The following ERV3-1 variants were observed in gnomAD, a reference collection of about 807,000 sequenced individuals.
The protein encoded by ERV3-1 is endogenous retrovirus group 3 member 1, envelope.
In ERV3-1, 36 loss-of-function variants were observed where a neutral mutation model predicts 24.6. That is an observed-to-expected ratio of 1.47 (90% CI 1.12 to 1.94). ERV3-1 has a LOEUF of 1.94. ERV3-1 is among the 30% of genes most tolerant of loss of function. ERV3-1 has a pLI of 0.00. For missense variants in ERV3-1, 578 were observed against 330.9 expected, an observed-to-expected ratio of 1.75 and a Z score of -5.79; for synonymous variants, 211 against 122.6, an observed-to-expected ratio of 1.72 and a Z score of -4.76.
chr7:64,998,927 C>T (rs1447609616), intron 1 of ERV3-1, among the ~76,000 whole-genome samples: 2 of 152,196 alleles, frequency 1.3e-5, no homozygotes, highest in Non-Finnish European at 2.9e-5. Context: ...TCACACACCT[C>T]CCCACTTCCA....
chr7:64,990,451 T>C lies in ERV3-1; in HGVS notation c.*761A>G, dbSNP rs1160563205. The C allele has an allele frequency of 1.1e-5, 2 of 185,424 alleles. No individual in the cohort carries two copies. Among genetic ancestry groups the C allele is most frequent in the Non-Finnish European group, 2.3e-5 (2 of 88,452 alleles). The allele number at this position is 185,424 out of a possible 1,614,324, so 11.5% of individuals were successfully genotyped here. A position where few individuals can be genotyped will look rare whatever the true frequency, so the allele number is the denominator to read the frequency against. On this transcript the variant is annotated 3_prime_UTR_variant, in exon 2 of 2. Coordinates refer to ENST00000394323, the MANE Select transcript of ERV3-1 (RefSeq NM_001007253.4). ...GAACAAAGACAGGGCTTGACTTTTA[T>C]ACATGCATCAGGCAGGGGCAAGTCG...
chr7:64,991,097 G>C lies in ERV3-1; in HGVS notation c.*115C>G. ...GCTGTTTGGATATTTTTGACAATGA[G>C]GGGTAAGAGACAAGGGAGTATAAGG... On this transcript the variant is annotated 3_prime_UTR_variant, in exon 2 of 2. Coordinates refer to ENST00000394323, the MANE Select transcript of ERV3-1 (RefSeq NM_001007253.4). 1 of 594,782 alleles carries C rather than the reference G, an allele frequency of 1.7e-6. No homozygotes were observed. The highest frequency in any genetic ancestry group is 3.0e-6 in the Non-Finnish European group (1 of 333,988). The allele number at this position is 594,782 out of a possible 1,614,324, so 36.8% of individuals were successfully genotyped here.
intron 1 of ERV3-1, 109 bp downstream of exon 1, chr7:65,006,432 C>G: frequency 6.7e-7 from 1 of 1,497,394 alleles, no homozygotes; most frequent in South Asian, 1.1e-5. Flanking sequence ...CTCGGGGCCG[C>G]GGATTTTGGA....
rs925885820 is a variant in ERV3-1, at chr7:64,993,177, G to T, written c.-151C>A. ...ATGACTCAAGCTTCGGCCGTGCATA[G>T]ACTAGTCAGCTTCTGGGGTGACTAG... On this transcript the variant is annotated 5_prime_UTR_variant, in exon 2 of 2. Coordinates refer to ENST00000394323, the MANE Select transcript of ERV3-1 (RefSeq NM_001007253.4). The T allele has an allele frequency of 1.7e-6, 1 of 598,588 alleles. No individual in the cohort carries two copies. Among genetic ancestry groups the T allele is most frequent in the African/African-American group, 1.9e-5 (1 of 53,822 alleles). 37.1% of individuals were successfully genotyped at this position (598,588 alleles called of 1,614,324 possible).
At chr7:64,997,908 C>G (rs1401266267) in intron 1 of ERV3-1, among the ~76,000 whole-genome samples, 2 of 152,136 alleles carry the variant, frequency 1.3e-5, no homozygotes, top group African/African-American at 4.8e-5. Flanking sequence ...GTTGCCCCCC[C>G]TTGAACCTGC....
At position 64,992,611 on chromosome 7, in the gene ERV3-1, G is replaced by A. The variant is rs1180207272; in HGVS notation, c.416C>T (p.Ser139Phe). ...MGSLFPVIFS[S>F]MEYYSSCHKN... The stretch of plus-strand genomic sequence containing the variant: ...ATGGCAGCTACTATAGTACTCCATG[G>A]AACTGAAGATTACGGGAAAGAGTGA... Residue 139 changes from serine (S) to phenylalanine (F), a missense_variant, in exon 2 of 2, where the codon TCC becomes TTC. Transcript: ENST00000394323. 1.3e-6 allele frequency: 1 copy of A among 766,234 alleles called. No homozygotes were observed. Among genetic ancestry groups the A allele is most frequent in the African/African-American group, 1.7e-5 (1 of 59,108 alleles). The allele number at this position is 766,234 out of a possible 1,614,324, so 47.5% of individuals were successfully genotyped here. A position where few individuals can be genotyped will look rare whatever the true frequency, so the allele number is the denominator to read the frequency against.
chr7:64,995,508 T>C (rs976621218), intron 1 of ERV3-1, among the ~76,000 whole-genome samples: 1 of 152,174 alleles, frequency 6.6e-6, no homozygotes, highest in African/African-American at 2.4e-5. Flanking sequence ...GGGTTCCTTT[T>C]CACCCTCCCT....
At position 64,992,811 on chromosome 7, in the gene ERV3-1, G is replaced by A. The variant is rs757098406; in HGVS notation, c.216C>T (p.Asp72=). 5.2e-6 allele frequency: 4 copies of A among 766,378 alleles called. No individual in the cohort carries two copies. In the East Asian group the frequency reaches 7.3e-5, roughly 14 times the overall value. The allele number at this position is 766,378 out of a possible 1,614,324, so 47.5% of individuals were successfully genotyped here. The change falls in exon 2 of 2, where the codon GAC becomes GAT. Residue 72 remains aspartate (D), a synonymous_variant. Coordinates refer to ENST00000394323, the MANE Select transcript of ERV3-1 (RefSeq NM_001007253.4). ...THNQTTYSVC[D]PGRGQPYVCY... is the part of the protein sequence containing the mutation. ...ACACATAAGGCTGGCCCCTTCCTGG[G>A]TCACAGACTGAGTAGGTTGTCTGGT...
chr7:64,999,483 A>G (rs1458764892), intron 1 of ERV3-1, among the ~76,000 whole-genome samples: 1 of 152,192 alleles, frequency 6.6e-6, no homozygotes, highest in East Asian at 1.9e-4. Context: ...CATGCAACCA[A>G]CAGGGGCGGG....
intron 1 of ERV3-1, among the ~76,000 whole-genome samples, chr7:65,000,296 C>G (rs1014573641): frequency 6.6e-6 from 1 of 152,022 alleles, no homozygotes; most frequent in East Asian, 1.9e-4. Context: ...AATCTCTGCT[C>G]ACTGCAAGCT....
In ERV3-1 at chr7:64,992,830, G is replaced by T. The variant is rs1465947718; in HGVS notation, c.197C>A (p.Thr66Lys). 1.3e-6 allele frequency: 1 copy of T among 766,416 alleles called. No individual in the cohort carries two copies. The highest frequency in any genetic ancestry group is 2.4e-5 in the East Asian group (1 of 41,236). The allele number at this position is 766,416 out of a possible 1,614,324, so 47.5% of individuals were successfully genotyped here. The change falls in exon 2 of 2, where the codon ACA becomes AAA. Residue 66 changes from threonine (T) to lysine (K), a missense_variant. Transcript: ENST00000394323. The stretch of plus-strand genomic sequence containing the variant: ...TCCTGGGTCACAGACTGAGTAGGTT[G>T]TCTGGTTGTGAGTACAAGTTCCTAG... ...TCLGTCTHNQ[T>K]TYSVCDPGRG...
intron 1 of ERV3-1, 72 bp downstream of exon 1, chr7:65,006,469 G>T: frequency 6.4e-7 from 1 of 1,551,126 alleles, no homozygotes; most frequent in South Asian, 1.1e-5. Flanking sequence ...CCAGAGTCCC[G>T]CCACAGCCAC....
chr7:64,997,673 T>C (rs1786433870), intron 1 of ERV3-1, among the ~76,000 whole-genome samples: 1 of 152,150 alleles, frequency 6.6e-6, no homozygotes, highest in African/African-American at 2.4e-5. Context: ...GTGCATTGTG[T>C]TCCAGCCAGT....
chr7:64,998,080 T>C (rs1215049974), intron 1 of ERV3-1, among the ~76,000 whole-genome samples: 1 of 151,902 alleles, frequency 6.6e-6, no homozygotes, highest in Admixed American at 6.6e-5. Flanking sequence ...TAGCCTGGAG[T>C]GTGTCACCAT....
In ERV3-1 at chr7:64,992,677, A is replaced by G. The variant is rs1364584693; in HGVS notation, c.350T>C (p.Val117Ala). Residue 117 changes from valine (V) to alanine (A), a missense_variant, in exon 2 of 2, where the codon GTA (valine) becomes GCA (alanine). By Grantham distance (64) the Val-to-Ala change is moderately conservative. Transcript: ENST00000394323. Reference sequence around the variant, plus strand: ...CTGGCAAACATCAAAGTATAAGGATACGACATCCTTGCCAGAGGGAAATAC... The same window carrying G: ...CTGGCAAACATCAAAGTATAAGGATGCGACATCCTTGCCAGAGGGAAATAC... ...TKVFPSGKDV[V>A]SLYFDVCQIV... The G allele has an allele frequency of 3.9e-6, 3 of 766,302 alleles. No individual in the cohort carries two copies. The African/African-American group carries it at 5.1e-5, about 13-fold the overall frequency. The allele number at this position is 766,302 out of a possible 1,614,324, so 47.5% of individuals were successfully genotyped here.
In ERV3-1 at chr7:65,006,643, A is replaced by G; in HGVS notation, c.-491T>C. On this transcript the variant is annotated 5_prime_UTR_variant, in exon 1 of 2. Transcript: ENST00000394323. The stretch of plus-strand genomic sequence containing the variant: ...CTGGGCCTCTAGGAGCAGAAGACAC[A>G]GAGCAGTGAAGACTACACCAGAAGC... The G allele has an allele frequency of 1.3e-6, 2 of 1,529,672 alleles. No homozygotes were observed. The highest frequency in any genetic ancestry group is 1.1e-5 in the South Asian group (1 of 89,358). 94.8% of individuals were successfully genotyped at this position (1,529,672 alleles called of 1,614,324 possible).
At chr7:64,997,117 C>T (rs1272755224) in intron 1 of ERV3-1, among the ~76,000 whole-genome samples, 3 of 152,238 alleles carry the variant, frequency 2.0e-5, no homozygotes, top group South Asian at 4.1e-4. Flanking sequence ...CAGGTCTCTG[C>T]CTGGCCTGAA....
chr7:64,995,025 G>C (rs1786377461), intron 1 of ERV3-1, among the ~76,000 whole-genome samples: 2 of 152,272 alleles, frequency 1.3e-5, no homozygotes, highest in Admixed American at 1.3e-4. Flanking sequence ...AGTCACGGAA[G>C]GTGATTCCCG....
intron 1 of ERV3-1, among the ~76,000 whole-genome samples, chr7:65,002,193 T>C (rs1786538335): frequency 6.6e-6 from 1 of 152,226 alleles, no homozygotes; most frequent in South Asian, 2.1e-4. Context: ...GAAAGAAACA[T>C]CCTTTCATTA....
Sources: allele counts gnomAD v4.1 joint callset (sites outside exome capture counted in the v4.1 genomes callset), GRCh38; gene constraint gnomAD v4.1.1; transcripts MANE v1.5; gene names NCBI Gene and HGNC (gene_info 2026-07-23, HGNC 2026-07-21).